KLC1: variants seen among roughly 807,000 people sequenced by gnomAD.
The protein encoded by KLC1 is kinesin 2 60/70kDa.
KLC1 carries 30 observed loss-of-function variants against 84.2 expected under a neutral mutation model. The observed-to-expected ratio is 0.36, with a 90% CI of 0.27 to 0.48. The LOEUF is 0.48. KLC1 is among the 20% of genes least tolerant of loss of function. The probability of loss-of-function intolerance (pLI) is 0.99; values close to 1 mark genes in which losing one functional copy is unlikely to be tolerated. For synonymous variants in KLC1, 289 were observed against 293.3 expected (o/e 0.99, Z 0.15); for missense variants, 499 against 805.4 (o/e 0.62, Z 4.60).
At chr14:103,650,632 G>A (rs2078354598) in intron 1 of KLC1, among the ~76,000 whole-genome samples, 1 of 147,342 alleles carries the variant, frequency 6.8e-6, no homozygotes, top group South Asian at 2.1e-4. Context: ...AGGCTGGAGT[G>A]CAGTGGTGCG....
chr14:103,652,641 G>A (rs564373783), intron 1 of KLC1, among the ~76,000 whole-genome samples: 3 of 152,242 alleles, frequency 2.0e-5, no homozygotes, highest in South Asian at 2.1e-4. Context: ...ACAGGCGAGC[G>A]CCATCAGGCT....
chr14:103,678,336 A>G lies in KLC1; in HGVS notation c.1488+813A>G, dbSNP rs139107744. On this transcript the variant is annotated intron_variant, in intron 12 of 16. Coordinates refer to ENST00000334553, the MANE Select transcript of KLC1 (RefSeq NM_001394837.1). ...GCATGAACAGCAAAATAAAAACTAG[A>G]TCTGTTGGATTCACCAAAGTTAAAA... Among the ~76,000 whole-genome samples, 421 of 152,276 alleles carry G rather than the reference A, an allele frequency of 2.8e-3. 4 individuals carry two copies. Among genetic ancestry groups the G allele is most frequent in the Middle Eastern group, 0.01 (3 of 294 alleles).
At chr14:103,666,597 T>A (rs1595442621) in intron 5 of KLC1, among the ~76,000 whole-genome samples, 1 of 150,992 alleles carries the variant, frequency 6.6e-6, no homozygotes, top group East Asian at 1.9e-4. Flanking sequence ...CTCATTTAAT[T>A]CTTTTTTTTT....
At chr14:103,696,818 C>G in intron 15 of KLC1, 2 of 985,524 alleles carry the variant, frequency 2.0e-6, no homozygotes, top group South Asian at 9.4e-5. Flanking sequence ...CAGGGCAAGA[C>G]CCATGGCCCT....
chr14:103,649,379 G>A (rs1008344713), intron 1 of KLC1, among the ~76,000 whole-genome samples: 2 of 151,912 alleles, frequency 1.3e-5, no homozygotes, highest in Non-Finnish European at 2.9e-5. Context: ...CAATTATAGG[G>A]TTTTTTTGGT....
In KLC1 at chr14:103,657,788, T is replaced by C. The variant is rs2078935365; in HGVS notation, c.492+12T>C. On this transcript the variant is annotated intron_variant, in intron 3 of 16. Coordinates refer to ENST00000334553, the MANE Select transcript of KLC1 (RefSeq NM_001394837.1). ...ACATTTCCCCATCCGTGAGTGGCTC[T>C]GTAGCAAATGTGGTGCTAATGTTTA... 6.3e-7 allele frequency: 1 copy of C among 1,579,444 alleles called. No individual in the cohort carries two copies. The highest frequency in any genetic ancestry group is 2.2e-5 in the East Asian group (1 of 44,616).
chr14:103,685,630 T>A (rs1322631198), intron 13 of KLC1: 1 of 1,289,420 alleles, frequency 7.8e-7, no homozygotes, highest in South Asian at 1.2e-5. Flanking sequence ...CTCCTTTCTG[T>A]CTGACAGGCC....
intron 2 of KLC1, among the ~76,000 whole-genome samples, chr14:103,655,673 A>G (rs2078781833): frequency 6.8e-6 from 1 of 147,102 alleles, no homozygotes; most frequent in African/African-American, 2.5e-5. Context: ...CAATGGCTCA[A>G]TCTCAGATCA....
chr14:103,647,367 G>T (rs2078025958), intron 1 of KLC1, among the ~76,000 whole-genome samples: 1 of 151,882 alleles, frequency 6.6e-6, no homozygotes, highest in Admixed American at 6.6e-5. Flanking sequence ...GAGACTACAG[G>T]TGTGTGCCAC....
intron 1 of KLC1, among the ~76,000 whole-genome samples, chr14:103,650,044 T>C (rs1442865756): frequency 6.6e-6 from 1 of 152,200 alleles, no homozygotes; most frequent in Non-Finnish European, 1.5e-5. Context: ...TATCAGGTTT[T>C]ACACTGGAGA....
Position 103,687,173 on chromosome 14 carries a change from G to A in KLC1, c.1743G>A (p.Lys581=). Reference sequence around the variant, plus strand: ...GTGAGAAGCTGGTTAGGAAGCTGAAGGGAGGAAGTTCACGAGAGAGTGAGC... The same window carrying A: ...GTGAGAAGCTGGTTAGGAAGCTGAAAGGAGGAAGTTCACGAGAGAGTGAGC... ...RSSEKLVRKL[K]GGSSRESEPK... Residue 581 remains lysine (K), a synonymous_variant, in exon 14 of 17, where the codon AAG becomes AAA. Transcript: ENST00000334553. The A allele has an allele frequency of 6.5e-7, 1 of 1,548,990 alleles. No individual in the cohort carries two copies. The highest frequency in any genetic ancestry group is 1.4e-5 in the African/African-American group (1 of 73,118).
intron 1 of KLC1, among the ~76,000 whole-genome samples, chr14:103,644,518 C>T (rs948051746): frequency 1.3e-5 from 2 of 152,210 alleles, no homozygotes; most frequent in East Asian, 1.9e-4. Flanking sequence ...TTCAGCCTCC[C>T]GAAGTGCTTG....
intron 1 of KLC1, among the ~76,000 whole-genome samples, chr14:103,652,859 T>C (rs917467042): frequency 2.6e-5 from 4 of 152,216 alleles, no homozygotes; most frequent in African/African-American, 9.6e-5. Flanking sequence ...TGAATAGTCT[T>C]ACAGACAACT....
chr14:103,696,978 G>T, intron 15 of KLC1: 1 of 985,370 alleles, frequency 1.0e-6, no homozygotes, highest in Non-Finnish European at 1.2e-6. Flanking sequence ...TCCAGGGGCA[G>T]GAACTGAGCC....
intron 15 of KLC1, chr14:103,699,392 A>C: frequency 6.2e-7 from 1 of 1,611,298 alleles, no homozygotes; most frequent in Non-Finnish European, 8.5e-7. Flanking sequence ...AGGGCTCTGG[A>C]AGGCACTGCT....
intron 15 of KLC1, chr14:103,699,249 C>G (rs2082882787): frequency 2.6e-6 from 4 of 1,539,624 alleles, no homozygotes; most frequent in Non-Finnish European, 3.5e-6. Context: ...CAGGCTGCTA[C>G]CCGCAGGAGC....
At chr14:103,672,962 G>T (rs1382664119) in intron 7 of KLC1, 52 bp from the exon 8 acceptor site, 21 of 1,519,342 alleles carry the variant, frequency 1.4e-5, no homozygotes, top group Non-Finnish European at 1.9e-5. Context: ...GTGGAGAATG[G>T]ATTGGATGGA....
At chr14:103,630,166 A>G (rs997074095) in intron 1 of KLC1, among the ~76,000 whole-genome samples, 1 of 152,200 alleles carries the variant, frequency 6.6e-6, no homozygotes, top group Non-Finnish European at 1.5e-5. Context: ...CGTTGCTCCA[A>G]CTAAACTTGA....
intron 15 of KLC1, chr14:103,698,474 G>C: frequency 2.5e-6 from 1 of 392,980 alleles, no homozygotes; most frequent in South Asian, 2.4e-5. Context: ...AGAAGCAGGC[G>C]GCTCCCAGGG....
Sources: allele counts gnomAD v4.1 joint callset (sites outside exome capture counted in the v4.1 genomes callset), GRCh38; gene constraint gnomAD v4.1.1; transcripts MANE v1.5; gene names NCBI Gene and HGNC (gene_info 2026-07-23, HGNC 2026-07-21).